The following SEMA3A variants were observed in gnomAD, a reference collection of about 807,000 sequenced individuals.
SEMA3A encodes the protein semaphorin-3A.
SEMA3A carries 29 observed loss-of-function variants against 97.9 expected under a neutral mutation model. The observed-to-expected ratio is 0.30, with a 90% CI of 0.22 to 0.40. SEMA3A has a LOEUF of 0.40. Ranked by LOEUF, SEMA3A falls within the 10% of genes least tolerant of loss-of-function variation. The probability of loss-of-function intolerance (pLI) is 1.00; values close to 1 mark genes in which losing one functional copy is unlikely to be tolerated. For missense variants in SEMA3A, 763 were observed against 951.3 expected (o/e 0.80, Z 2.60); for synonymous variants, 321 against 323.7 (o/e 0.99, Z 0.09).
intron 3 of SEMA3A, among the ~76,000 whole-genome samples, chr7:84,240,376 G>C (rs1799329012): frequency 6.6e-6 from 1 of 150,682 alleles, no homozygotes; most frequent in Non-Finnish European, 1.5e-5. Flanking sequence ...TGTTATCCCT[G>C]TTTGGTCCCT....
intron 4 of SEMA3A, among the ~76,000 whole-genome samples, chr7:84,102,620 C>G (rs555022899): frequency 1.7e-5 from 2 of 115,112 alleles, no homozygotes; most frequent in African/African-American, 5.9e-5. Flanking sequence ...TTAACAGAGT[C>G]TCACTCTTGT....
chr7:83,957,257 A>G lies in SEMA3A; in HGVS notation c.*4114T>C, dbSNP rs1261153912. The G allele has an allele frequency of 6.7e-6, 1 of 148,754 alleles. No homozygotes were observed. Among genetic ancestry groups the G allele is most frequent in the Non-Finnish European group, 1.5e-5 (1 of 67,620 alleles). The allele number at this position is 148,754 out of a possible 1,614,324, so 9.2% of individuals were successfully genotyped here. A position where few individuals can be genotyped will look rare whatever the true frequency, so the allele number is the denominator to read the frequency against. On this transcript the variant is annotated 3_prime_UTR_variant, in exon 17 of 17. Coordinates refer to ENST00000265362, the MANE Select transcript of SEMA3A (RefSeq NM_006080.3). ...TTGCTGGATTAGATGATGATAAGTC[A>G]TCTCGCTCTGTTTCCTTAATTTCAT...
chr7:84,338,103 T>C lies in SEMA3A; in HGVS notation c.-168-30811A>G, dbSNP rs188370648. ...ACATATCTCTATACACATATACCTG[T>C]ATAAGTATGTGCATATACTGAGTAT... On this transcript the variant is annotated intron_variant, in intron 2 of 3. Transcript: ENST00000424555. 1.1e-3 allele frequency among the ~76,000 whole-genome samples: 161 copies of C among 151,844 alleles called. 2 individuals are homozygous for C. In the Middle Eastern group the frequency reaches 0.028, roughly 26 times the overall value.
chr7:83,956,222 C>T lies in SEMA3A; in HGVS notation c.*5149G>A, dbSNP rs1562936840. 2 of 152,132 alleles carry T rather than the reference C, an allele frequency of 1.3e-5. No homozygotes were observed. The highest frequency in any genetic ancestry group is 4.8e-5 in the African/African-American group (2 of 41,440). 9.4% of individuals were successfully genotyped at this position (152,132 alleles called of 1,614,324 possible). On this transcript the variant is annotated 3_prime_UTR_variant, in exon 17 of 17. Coordinates refer to ENST00000265362, the MANE Select transcript of SEMA3A (RefSeq NM_006080.3). Reference sequence around the variant, plus strand: ...ATTTTAATGCTATCTTTGCTGAAGTCTTGTTTGTGAGCCACCTTGCTTTTT... The same window carrying T: ...ATTTTAATGCTATCTTTGCTGAAGTTTTGTTTGTGAGCCACCTTGCTTTTT...
At chr7:83,975,357 T>C (rs1445530220) in intron 15 of SEMA3A, among the ~76,000 whole-genome samples, 2 of 152,142 alleles carry the variant, frequency 1.3e-5, no homozygotes, top group Non-Finnish European at 2.9e-5. Context: ...TGATGGCATA[T>C]AATCAATATA....
chr7:84,291,675 A>T (rs991415123), intron 3 of SEMA3A, among the ~76,000 whole-genome samples: 4 of 152,132 alleles, frequency 2.6e-5, no homozygotes, highest in Admixed American at 6.6e-5. Context: ...CCATCCAGAA[A>T]TATAATAGAA....
intron 6 of SEMA3A, among the ~76,000 whole-genome samples, chr7:84,016,154 G>T (rs1255325461): frequency 6.6e-6 from 1 of 151,968 alleles, no homozygotes; most frequent in Non-Finnish European, 1.5e-5. Context: ...GACATGTTAG[G>T]AATTACTGTC....
At chr7:84,400,564 G>A (rs1038965351) in intron 1 of SEMA3A, among the ~76,000 whole-genome samples, 1 of 152,142 alleles carries the variant, frequency 6.6e-6, no homozygotes, top group Non-Finnish European at 1.5e-5. Flanking sequence ...TGAGCTCAAA[G>A]TCAGGATACT....
At chr7:84,365,854 T>A (rs1353703390) in intron 2 of SEMA3A, among the ~76,000 whole-genome samples, 1 of 151,392 alleles carries the variant, frequency 6.6e-6, no homozygotes, top group Non-Finnish European at 1.5e-5. Context: ...AGATAACTCA[T>A]CTACAATAAA....
Position 84,026,264 on chromosome 7 carries a change from T to C in SEMA3A, c.668-11913A>G, listed in dbSNP as rs926471349. On this transcript the variant is annotated intron_variant, in intron 6 of 16. Coordinates refer to ENST00000265362, the MANE Select transcript of SEMA3A (RefSeq NM_006080.3). ...GTACCTCGTATCTCTTATTCAACCCTGACTTTGAGGAGAAAATGTTTTTCC... is the reference window on the plus strand; with the variant it reads ...GTACCTCGTATCTCTTATTCAACCCCGACTTTGAGGAGAAAATGTTTTTCC... 1.9e-4 allele frequency among the ~76,000 whole-genome samples: 29 copies of C among 152,232 alleles called. 1 individual carries two copies. The highest frequency in any genetic ancestry group is 1.5e-5 in the Non-Finnish European group (1 of 68,028).
chr7:84,050,671 C>A (rs1307994760), intron 5 of SEMA3A, among the ~76,000 whole-genome samples: 2 of 152,120 alleles, frequency 1.3e-5, no homozygotes, highest in Non-Finnish European at 2.9e-5. Context: ...CCTGTTCACT[C>A]TGATGGTAGT....
chr7:84,334,375 T>G (rs974593579), intron 2 of SEMA3A, among the ~76,000 whole-genome samples: 3 of 152,194 alleles, frequency 2.0e-5, no homozygotes, highest in African/African-American at 7.2e-5. Flanking sequence ...TCTAATTTCA[T>G]GTAACCTGAG....
chr7:84,051,524 T>G (rs1470416760), intron 5 of SEMA3A, among the ~76,000 whole-genome samples: 1 of 152,190 alleles, frequency 6.6e-6, no homozygotes, highest in Non-Finnish European at 1.5e-5. Flanking sequence ...CTGTTGATGG[T>G]GTATAAGAAT....
intron 4 of SEMA3A, among the ~76,000 whole-genome samples, chr7:84,107,374 G>C (rs1795142527): frequency 1.3e-5 from 2 of 152,130 alleles, no homozygotes. Flanking sequence ...ATCTTTTCCA[G>C]AATTTCATAG....
chr7:84,154,679 G>GAAAAAAAAAACAAAAAA, intron 1 of SEMA3A, among the ~76,000 whole-genome samples: 1 of 112,204 alleles, frequency 8.9e-6, no homozygotes, highest in Non-Finnish European at 1.8e-5. Context: ...TAGTCTCAGG[G>GAAAAAAAAAACAAAAAA]AAAAAAAAAA....
chr7:84,113,252 A>C (rs573789425), intron 3 of SEMA3A, among the ~76,000 whole-genome samples: 15 of 152,332 alleles, frequency 9.8e-5, no homozygotes, highest in African/African-American at 3.6e-4. Context: ...AGAAGAAGCA[A>C]AAATTTGACA....
intron 4 of SEMA3A, among the ~76,000 whole-genome samples, chr7:84,069,155 T>C (rs1341703616): frequency 6.6e-6 from 1 of 152,092 alleles, no homozygotes; most frequent in Non-Finnish European, 1.5e-5. Context: ...TACACATGTT[T>C]GTAGTGTAAA....
At chr7:84,062,427 C>G (rs557439034) in intron 4 of SEMA3A, among the ~76,000 whole-genome samples, 3 of 152,038 alleles carry the variant, frequency 2.0e-5, no homozygotes, top group Non-Finnish European at 4.4e-5. Flanking sequence ...CCAAGATGGC[C>G]GAATAGGAAC....
intron 1 of SEMA3A, among the ~76,000 whole-genome samples, chr7:84,393,578 A>C (rs980953562): frequency 2.0e-5 from 3 of 152,154 alleles, no homozygotes; most frequent in Admixed American, 6.6e-5. Flanking sequence ...AAAATTACAA[A>C]TTAAGTTATG....
Sources: gnomAD v4.1 joint callset for allele counts (sites outside exome capture counted in the v4.1 genomes callset) on GRCh38, gnomAD v4.1.1 for gene constraint, MANE v1.5 for transcripts, NCBI Gene and HGNC (gene_info 2026-07-23, HGNC 2026-07-21) for gene names.